QSER1: variants seen among roughly 807,000 people sequenced by gnomAD.
The protein encoded by QSER1 is glutamine and serine rich 1, also known as glutamine and serine-rich protein 1.
Under a neutral mutation model 158.5 loss-of-function variants are expected in QSER1, and 49 were observed. That is an observed-to-expected ratio of 0.31 (90% CI 0.25 to 0.39). The LOEUF is 0.39. QSER1 is among the 10% of genes least tolerant of loss of function. The probability of loss-of-function intolerance (pLI) is 1.00; values close to 1 mark genes in which losing one functional copy is unlikely to be tolerated. For missense variants in QSER1, 1,754 were observed against 2,010.3 expected (o/e 0.87, Z 2.44); for synonymous variants, 650 against 715.5 (o/e 0.91, Z 1.46).
chr11:32,933,689 C>T lies in QSER1; in HGVS notation c.2431C>T (p.Leu811Phe), dbSNP rs1217049932. 4.3e-6 allele frequency: 7 copies of T among 1,613,610 alleles called. No individual in the cohort carries two copies. The African/African-American group carries it at 9.3e-5, about 22-fold the overall frequency. The change falls in exon 4 of 13, where the codon CTC (leucine) becomes TTC (phenylalanine). Residue 811 changes from leucine to phenylalanine, a missense_variant. By Grantham distance (22) the Leu-to-Phe change is conservative (BLOSUM62 0). This residue lies in a region of QSER1 where 1,707 missense variants were observed against 1,919.6 expected (regional missense o/e 0.89). Coordinates refer to ENST00000650167, the MANE Select transcript of QSER1 (RefSeq NM_001076786.3). ...TAAAGACTTAAAGCAGCAACATCCT[C>T]TCATACTTAAGGTGCATGAGTCCAA... The part of the protein sequence containing the change: ...NTKDLKQQHP[L>F]ILKVHESKVQ...
In QSER1 at chr11:32,934,449, C is replaced by T. The variant is rs1852107427; in HGVS notation, c.3191C>T (p.Ala1064Val). Reference sequence around the variant, plus strand: ...ACTGTGAACCTTTCACCAGTACCTGCCCTTCAGTCAAAAATGACTCTTGAT... The same window carrying T: ...ACTGTGAACCTTTCACCAGTACCTGTCCTTCAGTCAAAAATGACTCTTGAT... ...QVTVNLSPVP[A>V]LQSKMTLDQQ... Residue 1064 changes from alanine to valine, a missense_variant, in exon 4 of 13, where the codon GCC becomes GTC. Ala to Val is a moderately conservative substitution (Grantham distance 64). This residue lies in a region of QSER1 where 1,707 missense variants were observed against 1,919.6 expected (regional missense o/e 0.89). Transcript: ENST00000650167. 1 of 1,613,770 alleles carries T rather than the reference C, an allele frequency of 6.2e-7. No homozygotes were observed. Among genetic ancestry groups the T allele is most frequent in the Admixed American group, 1.7e-5 (1 of 59,986 alleles).
chr11:32,944,118 TTCTC>T lies in QSER1; in HGVS notation c.4177+8689_4177+8692del, dbSNP rs566071124. Among the ~76,000 whole-genome samples, 388 of 152,330 alleles carry T rather than the reference TTCTC, an allele frequency of 2.5e-3. 4 individuals are homozygous for T. The highest frequency in any genetic ancestry group is 9.1e-3 in the African/African-American group (379 of 41,570). ...ATTTTTTATTGCATCTATTTGATTC[TTCTC>T]TCTCTTTTTCTTAATTAGTCTTGGT... On this transcript the variant is annotated intron_variant, in intron 4 of 12. Coordinates refer to ENST00000650167, the MANE Select transcript of QSER1 (RefSeq NM_001076786.3).
intron 12 of QSER1, among the ~76,000 whole-genome samples, chr11:32,975,996 T>A (rs140446113): frequency 1.3e-5 from 2 of 152,204 alleles, no homozygotes; most frequent in Non-Finnish European, 2.9e-5. Context: ...AAGATGCTCA[T>A]AAATCTAACC....
chr11:32,918,380 G>C (rs1254474958), intron 1 of QSER1, among the ~76,000 whole-genome samples: 2 of 152,086 alleles, frequency 1.3e-5, no homozygotes, highest in Non-Finnish European at 2.9e-5. Context: ...CATGTGGAGA[G>C]AGAGGACAGA....
Position 32,932,673 on chromosome 11 carries a change from A to ATTAC in QSER1, c.1416_1419dup (p.Gly474LeufsTer8). 1 of 1,614,136 alleles carries ATTAC rather than the reference A, an allele frequency of 6.2e-7. No individual in the cohort carries two copies. The highest frequency in any genetic ancestry group is 8.5e-7 in the Non-Finnish European group (1 of 1,180,016). ...CTTTTATCAGTTAGTCAGTCCCAAA[A>ATTAC]TTACGGTTTAGTACAGCCACATAAT... On this transcript the variant is annotated frameshift_variant, in exon 4 of 13. Transcript: ENST00000650167. LOFTEE classifies it high-confidence loss of function.
intron 1 of QSER1, among the ~76,000 whole-genome samples, chr11:32,908,692 A>G (rs148632367): frequency 2.2e-4 from 33 of 152,292 alleles, no homozygotes; most frequent in Non-Finnish European, 3.8e-4. Flanking sequence ...GGTTGTTTCC[A>G]CTTTTTGGTT....
chr11:32,913,927 C>A (rs1020034291), intron 1 of QSER1, among the ~76,000 whole-genome samples: 1 of 152,208 alleles, frequency 6.6e-6, no homozygotes, highest in African/African-American at 2.4e-5. Context: ...AGCTGTTACA[C>A]AGTTGTTTCA....
In QSER1 at chr11:32,953,845, G is replaced by T; in HGVS notation, c.4178-12G>T. 6.3e-7 allele frequency: 1 copy of T among 1,593,162 alleles called. No individual in the cohort carries two copies. The highest frequency in any genetic ancestry group is 8.6e-7 in the Non-Finnish European group (1 of 1,169,100). The stretch of plus-strand genomic sequence containing the variant: ...TGTAATACTGATTTGCATTTGCTTG[G>T]TTTTGTTTCAGAAGCCCTACAGGTG... On this transcript the variant is annotated splice_polypyrimidine_tract_variant and intron_variant, in intron 4 of 12. Coordinates refer to ENST00000650167, the MANE Select transcript of QSER1 (RefSeq NM_001076786.3).
chr11:32,956,212 A>AT (rs1271554120), intron 7 of QSER1, 91 bp downstream of exon 7: 55 of 1,190,640 alleles, frequency 4.6e-5, no homozygotes, highest in South Asian at 2.2e-4. Context: ...AATTAAATAG[A>AT]TTTTTTTTAT....
At chr11:32,903,670 G>A (rs769610349) in intron 1 of QSER1, among the ~76,000 whole-genome samples, 8 of 151,932 alleles carry the variant, frequency 5.3e-5, no homozygotes, top group Non-Finnish European at 1.2e-4. Context: ...ACAGTGGCGC[G>A]ATCTCAGCTT....
At position 32,893,675 on chromosome 11, in the gene QSER1, G is replaced by A. The variant is rs1851516175; in HGVS notation, c.209+341G>A. Reference sequence around the variant, plus strand: ...GTGAGACCCAGGATTGGCGCCGGGGGTCCGAAGGGGGCGCCGGAGAGTTTG... The same window carrying A: ...GTGAGACCCAGGATTGGCGCCGGGGATCCGAAGGGGGCGCCGGAGAGTTTG... On this transcript the variant is annotated intron_variant, in intron 1 of 12. Coordinates refer to ENST00000650167, the MANE Select transcript of QSER1 (RefSeq NM_001076786.3). The surrounding 1 kb of genome is among the most constrained non-coding windows in gnomAD (Gnocchi z 4.7). Among the ~76,000 whole-genome samples, 1 of 152,326 alleles carries A rather than the reference G, an allele frequency of 6.6e-6. No individual in the cohort carries two copies. The highest frequency in any genetic ancestry group is 3.4e-3 in the Middle Eastern group (1 of 294).
chr11:32,975,722 C>T, intron 12 of QSER1: 1 of 942,660 alleles, frequency 1.1e-6, no homozygotes, highest in Non-Finnish European at 1.3e-6. Context: ...CTTAGAATGG[C>T]CTTATCCCAC....
At chr11:32,912,552 A>C (rs778105044) in intron 1 of QSER1, among the ~76,000 whole-genome samples, 3 of 152,040 alleles carry the variant, frequency 2.0e-5, no homozygotes, top group Non-Finnish European at 2.9e-5. Flanking sequence ...TGAAAGGGAG[A>C]TCTGGATGTA....
chr11:32,931,959 C>T lies in QSER1; in HGVS notation c.701C>T (p.Ser234Phe). The T allele has an allele frequency of 5.6e-6, 9 of 1,614,150 alleles. No homozygotes were observed. Among genetic ancestry groups the T allele is most frequent in the Non-Finnish European group, 6.8e-6 (8 of 1,179,996 alleles). ...HHDPLLQIKT[S>F]QGTVPTALAF... ...GACCCTTTGCTACAAATCAAGACTT[C>T]CCAGGGAACTGTTCCAACTGCTTTG... The change falls in exon 4 of 13, where the codon TCC becomes TTC. Residue 234 changes from serine to phenylalanine, a missense_variant. Coordinates refer to ENST00000650167, the MANE Select transcript of QSER1 (RefSeq NM_001076786.3).
rs529763973 is a variant in QSER1 at position 32,932,357 on chromosome 11, A to G, written c.1099A>G (p.Ile367Val). Residue 367 changes from isoleucine to valine, a missense_variant, in exon 4 of 13, where the codon ATT becomes GTT. This residue lies in a region of QSER1 where 1,707 missense variants were observed against 1,919.6 expected (regional missense o/e 0.89). Coordinates refer to ENST00000650167, the MANE Select transcript of QSER1 (RefSeq NM_001076786.3). ...GCAGTCATCTTTATCCTGTAGCCCA[A>G]TTGGAGATTCCACTCAGGTGAGCAA... ...TRQSSLSCSPIGDSTQVSNGG... is the reference protein window; with the variant it reads ...TRQSSLSCSPVGDSTQVSNGG... 177 of 1,612,468 alleles carry G rather than the reference A, an allele frequency of 1.1e-4. No homozygotes were observed. Among genetic ancestry groups the G allele is most frequent in the Middle Eastern group, 4.9e-4 (3 of 6,062 alleles).
rs1191943868 is a variant in QSER1, at chr11:32,934,595, A to T, written c.3337A>T (p.Asn1113Tyr). ...SGPFKKQSAT[N>Y]LESEEDSEAP... is the part of the protein sequence containing the mutation. The stretch of plus-strand genomic sequence containing the variant: ...CCCATTCAAGAAACAGTCTGCTACC[A>T]ATCTTGAATCTGAAGAAGACAGTGA... Residue 1113 changes from asparagine to tyrosine, a missense_variant, in exon 4 of 13, where the codon AAT (asparagine) becomes TAT (tyrosine). Around this residue, in one of 2 missense-constraint regions of QSER1, gnomAD observed 1,707 missense variants for 1,919.6 expected, o/e 0.89. Transcript: ENST00000650167. 1.2e-6 allele frequency: 2 copies of T among 1,613,644 alleles called. No homozygotes were observed. The highest frequency in any genetic ancestry group is 1.7e-6 in the Non-Finnish European group (2 of 1,179,974).
chr11:32,957,410 G>C (rs1852538145), intron 7 of QSER1, among the ~76,000 whole-genome samples: 1 of 152,090 alleles, frequency 6.6e-6, no homozygotes, highest in Non-Finnish European at 1.5e-5. Context: ...CAAAGTGCTA[G>C]GATTACAGGC....
chr11:32,904,716 C>G (rs1851670407), intron 1 of QSER1, among the ~76,000 whole-genome samples: 1 of 147,796 alleles, frequency 6.8e-6, no homozygotes, highest in African/African-American at 2.5e-5. Context: ...GGTCTTTGTG[C>G]TTTTTCCTGT....
At chr11:32,943,520 A>C (rs1590172471) in intron 4 of QSER1, among the ~76,000 whole-genome samples, 1 of 150,220 alleles carries the variant, frequency 6.7e-6, no homozygotes. Flanking sequence ...GGCTCTGTTT[A>C]TATGCTGGAT....
Sources: allele counts gnomAD v4.1 joint callset (sites outside exome capture counted in the v4.1 genomes callset), GRCh38; gene constraint gnomAD v4.1.1; regional missense constraint gnomAD v4.1.1; non-coding constraint Gnocchi (gnomAD v3.1); transcripts MANE v1.5; gene names NCBI Gene and HGNC (gene_info 2026-07-23, HGNC 2026-07-21).